STK17B: variants seen among roughly 807,000 people sequenced by gnomAD.
STK17B encodes serine/threonine-protein kinase 17B.
Under a neutral mutation model 42.0 loss-of-function variants are expected in STK17B, and 21 were observed. The ratio of observed to expected loss-of-function variants is 0.50; its 90% CI spans 0.35 to 0.72. The LOEUF is 0.72. STK17B is among the 30% of genes least tolerant of loss of function. STK17B has a pLI of 0.00. For synonymous variants in STK17B, 143 were observed against 148.4 expected, an observed-to-expected ratio of 0.96 and a Z score of 0.26; for missense variants, 349 against 446.0, an observed-to-expected ratio of 0.78 and a Z score of 1.96.
chr2:196,147,384 G>C (rs888270465), intron 3 of STK17B, among the ~76,000 whole-genome samples: 1 of 152,088 alleles, frequency 6.6e-6, no homozygotes, highest in Non-Finnish European at 1.5e-5. Flanking sequence ...TCTTTAGAGG[G>C]GTTGAAGCTG....
chr2:196,140,717 A>C (rs1186419053), intron 6 of STK17B, among the ~76,000 whole-genome samples: 1 of 150,936 alleles, frequency 6.6e-6, no homozygotes, highest in Non-Finnish European at 1.5e-5. Context: ...GGTACGCGCC[A>C]CCACGTCCAG....
At chr2:196,141,830 G>A (rs1341309241) in intron 5 of STK17B, among the ~76,000 whole-genome samples, 1 of 151,874 alleles carries the variant, frequency 6.6e-6, no homozygotes, top group Non-Finnish European at 1.5e-5. Context: ...AATATTCTTG[G>A]AGTAATTAGT....
chr2:196,163,920 T>TCCCAGCTG (rs1217418401), intron 1 of STK17B, among the ~76,000 whole-genome samples: 3 of 151,996 alleles, frequency 2.0e-5, no homozygotes, highest in Non-Finnish European at 4.4e-5. Flanking sequence ...GCACCTGTAG[T>TCCCAGCTG]CCCAGCTGCT....
intron 5 of STK17B, 57 bp downstream of exon 5, chr2:196,143,503 G>A (rs976663683): frequency 4.8e-6 from 7 of 1,445,490 alleles, no homozygotes; most frequent in Non-Finnish European, 6.6e-6. Flanking sequence ...GTTCTACAGA[G>A]GTATCATTTA....
At chr2:196,174,040 G>C (rs1238123734), upstream of STK17B, among the ~76,000 whole-genome samples, 1 of 152,174 alleles carries the variant, frequency 6.6e-6, no homozygotes. Flanking sequence ...CATTTGCAAA[G>C]CAAGCAGAGA....
rs752170351 is a variant in STK17B, at chr2:196,137,495, A to T, written c.1071T>A (p.Asp357Glu). 6.2e-7 allele frequency: 1 copy of T among 1,614,042 alleles called. No individual in the cohort carries two copies. The highest frequency in any genetic ancestry group is 8.5e-7 in the Non-Finnish European group (1 of 1,180,010). Residue 357 changes from aspartate to glutamate, a missense_variant, in exon 8 of 8, where the codon GAT becomes GAA. Coordinates refer to ENST00000263955, the MANE Select transcript of STK17B (RefSeq NM_004226.4). ...GTTCATGGGGATTGGGTAATGAGTCATCGAAACGAAATCTTTTGGAAACCA... is the reference window on the plus strand; with the variant it reads ...GTTCATGGGGATTGGGTAATGAGTCTTCGAAACGAAATCTTTTGGAAACCA... Reference protein sequence around the residue: ...SSMVSKRFRFDDSLPNPHELV... With the variant: ...SSMVSKRFRFEDSLPNPHELV...
At chr2:196,158,396 C>T (rs1699766719) in intron 2 of STK17B, among the ~76,000 whole-genome samples, 1 of 152,122 alleles carries the variant, frequency 6.6e-6, no homozygotes, top group South Asian at 2.1e-4. Context: ...AATACATCAA[C>T]TAAATAAATT....
At chr2:196,161,834 T>G (rs557807755) in intron 2 of STK17B, among the ~76,000 whole-genome samples, 1 of 152,192 alleles carries the variant, frequency 6.6e-6, no homozygotes, top group Admixed American at 6.5e-5. Flanking sequence ...TAATTCTTAT[T>G]TTGCAAAAGA....
chr2:196,172,375 G>C (rs1361750918), upstream of STK17B, among the ~76,000 whole-genome samples: 2 of 152,116 alleles, frequency 1.3e-5, no homozygotes. Context: ...TATAATCCTA[G>C]TTTATATGTA....
chr2:196,169,583 C>G (rs1238360913), intron 1 of STK17B, among the ~76,000 whole-genome samples: 1 of 152,058 alleles, frequency 6.6e-6, no homozygotes, highest in African/African-American at 2.4e-5. Context: ...GTTCACTTAA[C>G]AAAAGTAAAA....
intron 1 of STK17B, among the ~76,000 whole-genome samples, chr2:196,168,747 A>G (rs1699900117): frequency 6.6e-6 from 1 of 152,232 alleles, no homozygotes; most frequent in South Asian, 2.1e-4. Context: ...AAATTGCAAC[A>G]TTACAACATA....
intron 3 of STK17B, among the ~76,000 whole-genome samples, chr2:196,147,182 G>T (rs1699588534): frequency 6.6e-6 from 1 of 152,146 alleles, no homozygotes; most frequent in South Asian, 2.1e-4. Flanking sequence ...CATCAAATTT[G>T]TAAGGTATAT....
At chr2:196,168,918 C>T (rs555408684) in intron 1 of STK17B, among the ~76,000 whole-genome samples, 4 of 152,202 alleles carry the variant, frequency 2.6e-5, no homozygotes, top group African/African-American at 7.2e-5. Flanking sequence ...ACTAAAGCAA[C>T]TGACATTTGA....
At chr2:196,173,024 C>T (rs1699966533), upstream of STK17B, among the ~76,000 whole-genome samples, 1 of 152,096 alleles carries the variant, frequency 6.6e-6, no homozygotes. Flanking sequence ...CTTTGGACCT[C>T]CTTAATTTCA....
At chr2:196,152,848 G>A (rs947780192) in intron 3 of STK17B, among the ~76,000 whole-genome samples, 3 of 152,188 alleles carry the variant, frequency 2.0e-5, no homozygotes, top group Admixed American at 1.3e-4. Flanking sequence ...AGGTATGGTT[G>A]GAAGAGAGCA....
chr2:196,171,603 A>G (rs1699944659), upstream of STK17B: 2 of 152,010 alleles, frequency 1.3e-5, no homozygotes, highest in Non-Finnish European at 2.9e-5. Flanking sequence ...CGTCTGGGGC[A>G]TCGCCGTTCG....
At chr2:196,155,389 C>T (rs1404806935) in intron 3 of STK17B, among the ~76,000 whole-genome samples, 2 of 152,146 alleles carry the variant, frequency 1.3e-5, no homozygotes, top group African/African-American at 2.4e-5. Context: ...GTCAGTTTAA[C>T]ATTTTGCAAA....
rs1334737441 is a variant in STK17B at position 196,140,577 on chromosome 2, C to CCTTT, written c.656+671_656+672insAAAG. On this transcript the variant is annotated intron_variant, in intron 6 of 7. Coordinates refer to ENST00000263955, the MANE Select transcript of STK17B (RefSeq NM_004226.4). ...CTGCTTAACAAATACCTTCTTCTAG[C>CCTTT]TTTTTTTTTTTTTTTTTTTTTTTGT... 2.6e-4 allele frequency among the ~76,000 whole-genome samples: 26 copies of CCTTT among 101,472 alleles called. 3 individuals carry two copies. The highest frequency in any genetic ancestry group is 1.8e-4 in the African/African-American group (5 of 27,918). 66.6% of individuals were successfully genotyped at this position (101,472 alleles called of 152,430 possible).
chr2:196,166,041 A>G (rs767622507), intron 1 of STK17B: 2 of 152,250 alleles, frequency 1.3e-5, no homozygotes, highest in African/African-American at 2.4e-5. Context: ...TGAAAGATCA[A>G]TATGGGTACC....
Sources: gnomAD v4.1 joint callset for allele counts (sites outside exome capture counted in the v4.1 genomes callset) on GRCh38, gnomAD v4.1.1 for gene constraint, MANE v1.5 for transcripts, NCBI Gene and HGNC (gene_info 2026-07-23, HGNC 2026-07-21) for gene names.